The following BNC2 variants were observed in gnomAD, a reference collection of about 807,000 sequenced individuals.
BNC2 encodes basonuclin zinc finger protein 2.
Under a neutral mutation model 76.3 loss-of-function variants are expected in BNC2, and 20 were observed. That is an observed-to-expected ratio of 0.26 (90% CI 0.18 to 0.38). BNC2 has a LOEUF of 0.38. BNC2 is among the 10% of genes least tolerant of loss of function. BNC2 has a pLI of 1.00. For synonymous variants in BNC2, 582 were observed against 514.8 expected, an observed-to-expected ratio of 1.13 and a Z score of -1.77; for missense variants, 1,382 against 1,399.8, an observed-to-expected ratio of 0.99 and a Z score of 0.20.
intron 6 of BNC2, chr9:16,421,407 A>T (rs1820707444): frequency 1.6e-6 from 1 of 620,612 alleles, no homozygotes; most frequent in East Asian, 6.9e-5. Flanking sequence ...TGAAAAACTT[A>T]AACAATAAAA....
chr9:16,735,882 T>C (rs1353584072), intron 2 of BNC2, among the ~76,000 whole-genome samples: 1 of 152,086 alleles, frequency 6.6e-6, no homozygotes, highest in Non-Finnish European at 1.5e-5. Flanking sequence ...AAAGGTGTCA[T>C]AATAATGGTT....
At chr9:16,495,826 T>C (rs1011327775) in intron 5 of BNC2, among the ~76,000 whole-genome samples, 2 of 152,186 alleles carry the variant, frequency 1.3e-5, no homozygotes, top group African/African-American at 4.8e-5. Context: ...AGGAAATGGC[T>C]GAGACTCTTA....
chr9:16,734,979 A>C (rs999852168), intron 2 of BNC2, among the ~76,000 whole-genome samples: 4 of 152,316 alleles, frequency 2.6e-5, no homozygotes, highest in East Asian at 3.9e-4. Flanking sequence ...CAACTAAAAC[A>C]ATCAATGTAA....
In BNC2 at chr9:16,641,777, TATCAAATATGTA is replaced by T. The variant is rs1189129660; in HGVS notation, c.331-58704_331-58693del. Among the ~76,000 whole-genome samples the T allele has an allele frequency of 5.3e-5, 8 of 152,320 alleles. No individual in the cohort carries two copies. In the Middle Eastern group the frequency reaches 0.017, roughly 324 times the overall value. On this transcript the variant is annotated intron_variant, in intron 3 of 6. Coordinates refer to ENST00000380672, the MANE Select transcript of BNC2 (RefSeq NM_017637.6). Reference sequence around the variant, plus strand: ...CAAAGATATGGCCATGTTAAATATGTATCAAATATGTAATCAAATATGTAAACTCTCTTTCTC... The same window carrying T: ...CAAAGATATGGCCATGTTAAATATGTATCAAATATGTAAACTCTCTTTCTC...
chr9:16,625,079 A>G (rs1258258483), intron 3 of BNC2, among the ~76,000 whole-genome samples: 1 of 152,224 alleles, frequency 6.6e-6, no homozygotes, highest in African/African-American at 2.4e-5. Context: ...ACAGAAACAT[A>G]AACTGTCAAA....
At chr9:16,471,796 A>C (rs1045841635) in intron 5 of BNC2, among the ~76,000 whole-genome samples, 3 of 152,126 alleles carry the variant, frequency 2.0e-5, no homozygotes, top group African/African-American at 7.2e-5. Context: ...CTGTGTCCCC[A>C]CCAAAATCTC....
At chr9:16,672,770 G>A (rs1480075846) in intron 3 of BNC2, among the ~76,000 whole-genome samples, 2 of 152,102 alleles carry the variant, frequency 1.3e-5, no homozygotes, top group Non-Finnish European at 2.9e-5. Context: ...TTACTTTATT[G>A]GACACTGTCG....
chr9:16,849,306 T>A (rs947825312), intron 1 of BNC2, among the ~76,000 whole-genome samples: 1 of 152,082 alleles, frequency 6.6e-6, no homozygotes, highest in Non-Finnish European at 1.5e-5. Flanking sequence ...CTAGTTATAT[T>A]TTTAACAATA....
At chr9:16,676,304 T>C (rs529212208) in intron 3 of BNC2, among the ~76,000 whole-genome samples, 17 of 152,340 alleles carry the variant, frequency 1.1e-4, no homozygotes, top group African/African-American at 3.4e-4. Context: ...TATATACATA[T>C]ATATGACATG....
chr9:16,645,479 C>A (rs377314556), intron 3 of BNC2, among the ~76,000 whole-genome samples: 1 of 152,090 alleles, frequency 6.6e-6, no homozygotes, highest in Non-Finnish European at 1.5e-5. Flanking sequence ...ATATTTTATA[C>A]CCAATACTAA....
intron 1 of BNC2, among the ~76,000 whole-genome samples, chr9:16,740,710 A>C (rs555211289): frequency 3.9e-5 from 6 of 152,316 alleles, no homozygotes; most frequent in Non-Finnish European, 5.9e-5. Context: ...ACAGGGAAAA[A>C]AGAGACTATC....
At chr9:16,700,219 C>T (rs903624437) in intron 3 of BNC2, among the ~76,000 whole-genome samples, 1 of 152,158 alleles carries the variant, frequency 6.6e-6, no homozygotes, top group African/African-American at 2.4e-5. Context: ...TACTTCATTG[C>T]TATGGATGAA....
chr9:16,615,720 G>T (rs1223017709), intron 3 of BNC2, among the ~76,000 whole-genome samples: 1 of 152,072 alleles, frequency 6.6e-6, no homozygotes, highest in African/African-American at 2.4e-5. Flanking sequence ...AAATAAATTT[G>T]TATGCTTTTC....
intron 1 of BNC2, among the ~76,000 whole-genome samples, chr9:16,835,088 TAC>T (rs906838739): frequency 3.8e-4 from 58 of 152,330 alleles, no homozygotes; most frequent in African/African-American, 1.4e-3. Flanking sequence ...AGAACTGAGT[TAC>T]AGAGTGTTGT....
intron 5 of BNC2, among the ~76,000 whole-genome samples, chr9:16,520,049 C>T (rs148120837): frequency 2.0e-5 from 3 of 152,264 alleles, no homozygotes; most frequent in East Asian, 1.9e-4. Flanking sequence ...GGGCAGATAC[C>T]GACACATTTT....
At position 16,791,657 on chromosome 9, in the gene BNC2, C is replaced by A. The variant is rs1044863407; in HGVS notation, c.4-53172G>T. On this transcript the variant is annotated intron_variant, in intron 1 of 6. Coordinates refer to ENST00000380672, the MANE Select transcript of BNC2 (RefSeq NM_017637.6). The stretch of plus-strand genomic sequence containing the variant: ...AACTATAACAGATGAGAGGAGAAAT[C>A]TAGATTATAATTCGAACACTGTTAC... Among the ~76,000 whole-genome samples, 5 of 152,110 alleles carry A rather than the reference C, an allele frequency of 3.3e-5. No individual in the cohort carries two copies. The East Asian group carries it at 9.6e-4, about 29-fold the overall frequency.
At chr9:16,708,750 G>A (rs1054497934) in intron 3 of BNC2, among the ~76,000 whole-genome samples, 7 of 151,946 alleles carry the variant, frequency 4.6e-5, no homozygotes, top group Non-Finnish European at 7.4e-5. Flanking sequence ...AAGGAAGACC[G>A]AAGGAAAAAA....
chr9:16,831,440 T>G (rs1818575736), intron 1 of BNC2, among the ~76,000 whole-genome samples: 1 of 152,250 alleles, frequency 6.6e-6, no homozygotes, highest in Non-Finnish European at 1.5e-5. Flanking sequence ...GACATTTACT[T>G]ATTTAAAATT....
At chr9:16,824,866 T>C (rs1284630425) in intron 1 of BNC2, among the ~76,000 whole-genome samples, 1 of 152,100 alleles carries the variant, frequency 6.6e-6, no homozygotes, top group Non-Finnish European at 1.5e-5. Context: ...ATAATTGTTC[T>C]ACTTCCTGTG....
Sources: gnomAD v4.1 joint callset for allele counts (sites outside exome capture counted in the v4.1 genomes callset) on GRCh38, gnomAD v4.1.1 for gene constraint, MANE v1.5 for transcripts, NCBI Gene and HGNC (gene_info 2026-07-23, HGNC 2026-07-21) for gene names.